Variants in STXBP5L observed in about 807,000 individuals in gnomAD.
The protein encoded by STXBP5L is syntaxin-binding protein 5-like.
STXBP5L carries 65 observed loss-of-function variants against 144.5 expected under a neutral mutation model. The ratio of observed to expected loss-of-function variants is 0.45; its 90% confidence interval spans 0.37 to 0.55. The LOEUF (loss-of-function observed/expected upper bound fraction) is 0.55, where lower values mean the gene tolerates loss of function less well. Ranked by LOEUF, STXBP5L falls within the 20% of genes least tolerant of loss-of-function variation. The pLI is 0.00. For synonymous variants in STXBP5L, 505 were observed against 469.6 expected (o/e 1.08, Z -0.97); for missense variants, 1,298 against 1,405.5 (o/e 0.92, Z 1.22).
intron 7 of STXBP5L, among the ~76,000 whole-genome samples, chr3:121,134,749 G>A (rs2045165727): frequency 6.6e-6 from 1 of 151,350 alleles, no homozygotes; most frequent in African/African-American, 2.4e-5. Context: ...CCTTTTTTAT[G>A]ACTGCATAGT....
chr3:120,909,445 G>T, intron 1 of STXBP5L, 126 bp from the exon 2 acceptor site: 4 of 762,044 alleles, frequency 5.2e-6, no homozygotes, highest in South Asian at 2.3e-5. Flanking sequence ...TTTTCCAGTC[G>T]GTCGTAACCA....
At chr3:121,096,994 T>A (rs2043163819) in intron 5 of STXBP5L, among the ~76,000 whole-genome samples, 1 of 152,204 alleles carries the variant, frequency 6.6e-6, no homozygotes, top group Non-Finnish European at 1.5e-5. Context: ...GGGTTTTGTC[T>A]ATATGTCCCT....
chr3:120,970,488 A>T (rs1344682427), intron 3 of STXBP5L, among the ~76,000 whole-genome samples: 4 of 152,122 alleles, frequency 2.6e-5, no homozygotes, highest in African/African-American at 9.7e-5. Flanking sequence ...CTTTTTCAAT[A>T]TAACATCCCA....
At chr3:120,957,398 T>C (rs1489272594) in intron 3 of STXBP5L, among the ~76,000 whole-genome samples, 1 of 152,068 alleles carries the variant, frequency 6.6e-6, no homozygotes, top group Non-Finnish European at 1.5e-5. Flanking sequence ...CACTTGATAA[T>C]GATAAGTGAT....
intron 19 of STXBP5L, among the ~76,000 whole-genome samples, chr3:121,310,821 A>G (rs1012290806): frequency 5.9e-5 from 9 of 151,806 alleles, no homozygotes; most frequent in South Asian, 2.1e-4. Context: ...AAGCAGGAGA[A>G]TCACTTGAAG....
rs557052172 is a variant in STXBP5L at position 120,955,160 on chromosome 3, A to G, written c.287+123A>G. 7.1e-6 allele frequency: 5 copies of G among 701,832 alleles called. No homozygotes were observed. In the South Asian group the frequency reaches 8.4e-5, roughly 12 times the overall value. 43.5% of individuals were successfully genotyped at this position (701,832 alleles called of 1,614,324 possible). Reference sequence around the variant, plus strand: ...ATTATTTTTTAAGAAATGAGTAACTATTGTGAAAAATCTGCACTTTCAAAT... The same window carrying G: ...ATTATTTTTTAAGAAATGAGTAACTGTTGTGAAAAATCTGCACTTTCAAAT... On this transcript the variant is annotated intron_variant, in intron 3 of 26. Coordinates refer to ENST00000471454, the MANE Select transcript of STXBP5L (RefSeq NM_001308330.2).
intron 9 of STXBP5L, among the ~76,000 whole-genome samples, chr3:121,164,225 T>C (rs1450511616): frequency 6.6e-6 from 1 of 152,130 alleles, no homozygotes; most frequent in Non-Finnish European, 1.5e-5. Context: ...CACATAAAAA[T>C]GGCCAACACG....
chr3:121,127,615 C>A (rs925920783), intron 7 of STXBP5L, among the ~76,000 whole-genome samples: 10 of 151,364 alleles, frequency 6.6e-5, no homozygotes, highest in African/African-American at 2.2e-4. Flanking sequence ...ATTTAGGGCC[C>A]ACCCTAAATC....
chr3:121,398,444 A>G (rs1385999803), intron 22 of STXBP5L, among the ~76,000 whole-genome samples: 2 of 152,242 alleles, frequency 1.3e-5, no homozygotes, highest in Non-Finnish European at 2.9e-5. Context: ...AGTTTAGAAC[A>G]GCGCCCAGGA....
At chr3:121,206,351 T>C (rs1162668320) in intron 10 of STXBP5L, among the ~76,000 whole-genome samples, 2 of 152,146 alleles carry the variant, frequency 1.3e-5, no homozygotes, top group Non-Finnish European at 1.5e-5. Flanking sequence ...CTTAAATACA[T>C]AACCAAGTGT....
At chr3:121,394,404 C>CT (rs35932511) in intron 22 of STXBP5L, among the ~76,000 whole-genome samples, 6 of 148,346 alleles carry the variant, frequency 4.0e-5, no homozygotes, top group South Asian at 2.1e-4. Context: ...ATTTGAATGC[C>CT]TTTTTTTTTT....
At chr3:121,301,528 G>A (rs369240478) in intron 19 of STXBP5L, among the ~76,000 whole-genome samples, 27 of 152,132 alleles carry the variant, frequency 1.8e-4, no homozygotes, top group South Asian at 4.2e-4. Context: ...CTAATTGAAT[G>A]CCCTTTATTT....
intron 22 of STXBP5L, among the ~76,000 whole-genome samples, chr3:121,389,579 A>C (rs2046522326): frequency 1.3e-5 from 2 of 152,208 alleles, no homozygotes; most frequent in South Asian, 4.1e-4. Context: ...ATCCTGGTAC[A>C]TTGTGTCTTT....
chr3:120,953,477 C>T (rs1683978), intron 2 of STXBP5L, among the ~76,000 whole-genome samples: 31,810 of 149,718 alleles, frequency 0.21, 3,616 homozygotes, highest in Non-Finnish European at 0.26. Flanking sequence ...TGCAGGTGTG[C>T]GCCATCATGC....
At chr3:121,354,119 A>T (rs1203762607) in intron 20 of STXBP5L, among the ~76,000 whole-genome samples, 1 of 152,136 alleles carries the variant, frequency 6.6e-6, no homozygotes, top group African/African-American at 2.4e-5. Context: ...TCAATTTTAG[A>T]ATAAGTGCAA....
At chr3:121,212,426 G>C (rs1401608994) in intron 10 of STXBP5L, among the ~76,000 whole-genome samples, 1 of 151,962 alleles carries the variant, frequency 6.6e-6, no homozygotes, top group African/African-American at 2.4e-5. Context: ...TCAGTTTTTT[G>C]CATATGGCTA....
At chr3:121,183,150 A>T (rs1008838902) in intron 9 of STXBP5L, among the ~76,000 whole-genome samples, 1 of 152,230 alleles carries the variant, frequency 6.6e-6, no homozygotes, top group Non-Finnish European at 1.5e-5. Context: ...TGTCAAAGTA[A>T]TAAAAGCCGT....
At chr3:121,121,284 A>G (rs552702406) in intron 6 of STXBP5L, among the ~76,000 whole-genome samples, 1 of 151,426 alleles carries the variant, frequency 6.6e-6, no homozygotes, top group African/African-American at 2.4e-5. Flanking sequence ...ACAGTTTTAC[A>G]CCATTACCTT....
At chr3:121,020,832 C>T (rs199679853) in intron 3 of STXBP5L, among the ~76,000 whole-genome samples, 2 of 141,946 alleles carry the variant, frequency 1.4e-5, no homozygotes, top group Non-Finnish European at 3.0e-5. Context: ...ACTCACAGTA[C>T]CTATAAAACA....
Sources: gnomAD v4.1 joint callset for allele counts (sites outside exome capture counted in the v4.1 genomes callset) on GRCh38, gnomAD v4.1.1 for gene constraint, MANE v1.5 for transcripts, NCBI Gene and HGNC (gene_info 2026-07-23, HGNC 2026-07-21) for gene names.